Variants in HS6ST3 observed in about 807,000 individuals in gnomAD.
HS6ST3 encodes heparan sulfate 6-O-sulfotransferase 3.
HS6ST3 carries 12 observed loss-of-function variants against 36.7 expected under a neutral mutation model. The observed-to-expected ratio is 0.33, with a 90% CI of 0.21 to 0.53. The LOEUF is 0.53. Ranked by LOEUF, HS6ST3 falls within the 20% of genes least tolerant of loss-of-function variation. The pLI, the probability that HS6ST3 is intolerant of heterozygous loss-of-function variation, is 0.95. For synonymous variants in HS6ST3, 240 were observed against 257.5 expected, an observed-to-expected ratio of 0.93 and a Z score of 0.65; for missense variants, 584 against 640.9, an observed-to-expected ratio of 0.91 and a Z score of 0.96.
At chr13:96,548,905 G>A (rs1189920818) in intron 1 of HS6ST3, among the ~76,000 whole-genome samples, 1 of 152,146 alleles carries the variant, frequency 6.6e-6, no homozygotes, top group Non-Finnish European at 1.5e-5. Context: ...CACTCTTGTG[G>A]AAGTATACAG....
At chr13:96,342,229 T>A (rs775783978) in intron 1 of HS6ST3, among the ~76,000 whole-genome samples, 21 of 152,232 alleles carry the variant, frequency 1.4e-4, no homozygotes, top group Non-Finnish European at 2.4e-4. Flanking sequence ...CTTTTCATAT[T>A]TGGACATTTA....
chr13:96,690,076 G>T (rs1874908510), intron 1 of HS6ST3, among the ~76,000 whole-genome samples: 1 of 152,032 alleles, frequency 6.6e-6, no homozygotes, highest in Non-Finnish European at 1.5e-5. Flanking sequence ...TAAGTCATAG[G>T]TTTGAGATGT....
At chr13:96,495,766 T>C (rs762317112) in intron 1 of HS6ST3, among the ~76,000 whole-genome samples, 1 of 152,200 alleles carries the variant, frequency 6.6e-6, no homozygotes, top group Non-Finnish European at 1.5e-5. Context: ...TATTTTTGAA[T>C]GCATCCCTTT....
intron 1 of HS6ST3, among the ~76,000 whole-genome samples, chr13:96,499,108 C>T (rs1198886613): frequency 6.6e-6 from 1 of 150,784 alleles, no homozygotes; most frequent in East Asian, 1.9e-4. Context: ...TCACTGCAAC[C>T]TCTGCCTCCT....
intron 1 of HS6ST3, among the ~76,000 whole-genome samples, chr13:96,793,214 C>T (rs183263672): frequency 1.6e-4 from 25 of 152,086 alleles, no homozygotes; most frequent in Non-Finnish European, 3.5e-4. Context: ...CCTCTCACTC[C>T]GACAGGCTGT....
chr13:96,107,513 C>A (rs754166996), intron 1 of HS6ST3, among the ~76,000 whole-genome samples: 2 of 151,886 alleles, frequency 1.3e-5, no homozygotes, highest in Non-Finnish European at 2.9e-5. Flanking sequence ...CAGTGCTAGC[C>A]CCAGGGGTGA....
chr13:96,758,131 T>C (rs1257463684), intron 1 of HS6ST3, among the ~76,000 whole-genome samples: 1 of 152,004 alleles, frequency 6.6e-6, no homozygotes, highest in Non-Finnish European at 1.5e-5. Flanking sequence ...ATATTTTAGC[T>C]ATTCATTTTT....
chr13:96,389,169 A>G (rs1200776474), intron 1 of HS6ST3, among the ~76,000 whole-genome samples: 1 of 152,180 alleles, frequency 6.6e-6, no homozygotes, highest in East Asian at 1.9e-4. Flanking sequence ...ATATAGCATA[A>G]ATAAGTCTAG....
At chr13:96,741,062 C>A (rs1271533759) in intron 1 of HS6ST3, among the ~76,000 whole-genome samples, 1 of 152,140 alleles carries the variant, frequency 6.6e-6, no homozygotes, top group Non-Finnish European at 1.5e-5. Context: ...ACAATCCATT[C>A]TTTATTATTT....
chr13:96,767,225 C>T (rs1877139719), intron 1 of HS6ST3, among the ~76,000 whole-genome samples: 1 of 152,182 alleles, frequency 6.6e-6, no homozygotes, highest in African/African-American at 2.4e-5. Flanking sequence ...ATTCATTAAA[C>T]AAACATTCAC....
At chr13:96,507,227 C>A (rs1248049848) in intron 1 of HS6ST3, among the ~76,000 whole-genome samples, 2 of 152,100 alleles carry the variant, frequency 1.3e-5, no homozygotes, top group Non-Finnish European at 2.9e-5. Context: ...TTTGGTGCAT[C>A]CACTATAGAC....
chr13:96,782,993 C>T (rs556691716), intron 1 of HS6ST3, among the ~76,000 whole-genome samples: 1 of 152,206 alleles, frequency 6.6e-6, no homozygotes, highest in East Asian at 1.9e-4. Context: ...AGCAGAGGCA[C>T]TGGACCTGAA....
At chr13:96,790,491 A>G (rs1877760899) in intron 1 of HS6ST3, among the ~76,000 whole-genome samples, 1 of 152,100 alleles carries the variant, frequency 6.6e-6, no homozygotes, top group South Asian at 2.1e-4. Context: ...TATGAAATAT[A>G]TAGACTGTTG....
chr13:96,635,019 T>A (rs2056544495), intron 1 of HS6ST3, among the ~76,000 whole-genome samples: 1 of 152,208 alleles, frequency 6.6e-6, no homozygotes, highest in African/African-American at 2.4e-5. Flanking sequence ...CTGCGTGTTC[T>A]TGATGTGGCA....
intron 1 of HS6ST3, among the ~76,000 whole-genome samples, chr13:96,098,151 G>A (rs2053800479): frequency 6.6e-6 from 1 of 152,192 alleles, no homozygotes; most frequent in African/African-American, 2.4e-5. Context: ...TAGACTGTAT[G>A]CCACACATCA....
intron 1 of HS6ST3, among the ~76,000 whole-genome samples, chr13:96,486,422 A>G (rs2055914974): frequency 6.6e-6 from 1 of 152,122 alleles, no homozygotes; most frequent in African/African-American, 2.4e-5. Context: ...CTAGTTCTAG[A>G]TCCCTGAGGA....
At chr13:96,684,238 C>T (rs1874700439) in intron 1 of HS6ST3, among the ~76,000 whole-genome samples, 1 of 151,872 alleles carries the variant, frequency 6.6e-6, no homozygotes, top group Non-Finnish European at 1.5e-5. Flanking sequence ...AAATTTTTTT[C>T]TTAATGTACC....
chr13:96,423,800 C>T (rs865891627), intron 1 of HS6ST3, among the ~76,000 whole-genome samples: 31 of 151,938 alleles, frequency 2.0e-4, no homozygotes, highest in South Asian at 8.3e-4. Flanking sequence ...GATACTGTGT[C>T]GAGAATAGAC....
At chr13:96,737,422 G>A (rs550541191) in intron 1 of HS6ST3, among the ~76,000 whole-genome samples, 4 of 151,268 alleles carry the variant, frequency 2.6e-5, no homozygotes, top group Admixed American at 6.6e-5. Flanking sequence ...TCAGGAGATC[G>A]AGACCATCCT....
Sources: allele counts gnomAD v4.1 joint callset (sites outside exome capture counted in the v4.1 genomes callset), GRCh38; gene constraint gnomAD v4.1.1; transcripts MANE v1.5; gene names NCBI Gene and HGNC (gene_info 2026-07-23, HGNC 2026-07-21).